Variants in LRRC4C observed in about 807,000 individuals in gnomAD.
LRRC4C encodes the protein leucine-rich repeat-containing protein 4C.
In LRRC4C, 5 loss-of-function variants were observed where a neutral mutation model predicts 33.6. The observed-to-expected ratio is 0.15, with a 90% CI of 0.08 to 0.31. LRRC4C has a LOEUF of 0.31. LRRC4C is among the 10% of genes least tolerant of loss of function. The pLI is 1.00. For missense variants in LRRC4C, 560 were observed against 796.7 expected (o/e 0.70, Z 3.58); for synonymous variants, 329 against 302.0 (o/e 1.09, Z -0.93).
intron 4 of LRRC4C, among the ~76,000 whole-genome samples, chr11:40,318,583 A>G (rs1945689522): frequency 6.6e-6 from 1 of 152,030 alleles, no homozygotes; most frequent in South Asian, 2.1e-4. Context: ...AATACATTAT[A>G]TTTCCTTGGT....
At chr11:40,182,222 T>C (rs947085980) in intron 5 of LRRC4C, among the ~76,000 whole-genome samples, 1 of 152,228 alleles carries the variant, frequency 6.6e-6, no homozygotes, top group Non-Finnish European at 1.5e-5. Context: ...TTTAATTTTA[T>C]CCTTATAACA....
intron 3 of LRRC4C, among the ~76,000 whole-genome samples, chr11:40,630,754 T>C (rs1431486488): frequency 1.3e-5 from 2 of 152,160 alleles, no homozygotes. Context: ...GGTTGCTTGC[T>C]TTTCAAAATT....
At chr11:40,498,995 G>C (rs1171654312) in intron 3 of LRRC4C, among the ~76,000 whole-genome samples, 3 of 152,134 alleles carry the variant, frequency 2.0e-5, no homozygotes, top group African/African-American at 7.2e-5. Context: ...GTTACCAGGG[G>C]ACTTTTCATT....
At chr11:40,260,399 T>G (rs1247788721) in intron 4 of LRRC4C, among the ~76,000 whole-genome samples, 1 of 141,120 alleles carries the variant, frequency 7.1e-6, no homozygotes, top group African/African-American at 2.7e-5. Context: ...CTCTGGAGAC[T>G]GTTGTGGGTT....
At chr11:41,182,759 A>T (rs1590863452) in intron 1 of LRRC4C, among the ~76,000 whole-genome samples, 1 of 152,014 alleles carries the variant, frequency 6.6e-6, no homozygotes, top group South Asian at 2.1e-4. Context: ...ATACTTAACA[A>T]TTCTGTCTCC....
intron 1 of LRRC4C, among the ~76,000 whole-genome samples, chr11:41,025,060 A>T (rs1202272323): frequency 6.6e-6 from 1 of 151,288 alleles, no homozygotes; most frequent in African/African-American, 2.4e-5. Context: ...TCACTGCTCC[A>T]CTCACTGGCT....
chr11:40,339,255 A>G (rs540999522), intron 3 of LRRC4C, among the ~76,000 whole-genome samples: 30 of 152,332 alleles, frequency 2.0e-4, no homozygotes, highest in Non-Finnish European at 3.7e-4. Context: ...TTCTTTGGAC[A>G]GTCTATAGTA....
At chr11:40,909,593 C>A (rs1956575752) in intron 2 of LRRC4C, among the ~76,000 whole-genome samples, 1 of 151,942 alleles carries the variant, frequency 6.6e-6, no homozygotes, top group Non-Finnish European at 1.5e-5. Context: ...AGCATATAGA[C>A]CAGTCCTACA....
At chr11:40,943,924 T>G (rs749898619) in intron 1 of LRRC4C, among the ~76,000 whole-genome samples, 1 of 152,224 alleles carries the variant, frequency 6.6e-6, no homozygotes, top group Admixed American at 6.5e-5. Context: ...AAGACTGACT[T>G]GATTTTAATC....
intron 3 of LRRC4C, among the ~76,000 whole-genome samples, chr11:40,490,527 A>G (rs1472441438): frequency 1.3e-5 from 2 of 150,312 alleles, no homozygotes; most frequent in Admixed American, 6.6e-5. Context: ...CTTTTAAGGG[A>G]AAAAAAAGAC....
chr11:40,889,483 A>T (rs1955609708), intron 2 of LRRC4C, among the ~76,000 whole-genome samples: 1 of 152,248 alleles, frequency 6.6e-6, no homozygotes, highest in Middle Eastern at 3.4e-3. Flanking sequence ...ATTAACAGGT[A>T]TTCCTTATTA....
chr11:40,180,763 G>A (rs1860923657), intron 5 of LRRC4C, among the ~76,000 whole-genome samples: 1 of 152,170 alleles, frequency 6.6e-6, no homozygotes, highest in African/African-American at 2.4e-5. Context: ...ATGCATGTGT[G>A]TGTGCATGTG....
chr11:40,154,427 G>C (rs1034397958), intron 5 of LRRC4C, among the ~76,000 whole-genome samples: 2 of 152,046 alleles, frequency 1.3e-5, no homozygotes, highest in Admixed American at 6.5e-5. Context: ...CTGCAGAATG[G>C]ATAAGAACTC....
At chr11:41,456,960 G>A (rs1163122226) in intron 1 of LRRC4C, among the ~76,000 whole-genome samples, 1 of 152,150 alleles carries the variant, frequency 6.6e-6, no homozygotes, top group Non-Finnish European at 1.5e-5. Context: ...TTCATAAGCT[G>A]TAATCAGAAA....
At chr11:40,876,315 C>G (rs899264288) in intron 2 of LRRC4C, among the ~76,000 whole-genome samples, 8 of 117,914 alleles carry the variant, frequency 6.8e-5, no homozygotes, top group Non-Finnish European at 1.6e-5. Context: ...CTTTTGAAAG[C>G]CGAGACAGGT....
intron 2 of LRRC4C, among the ~76,000 whole-genome samples, chr11:40,843,148 A>G (rs1033980999): frequency 6.6e-5 from 10 of 152,166 alleles, no homozygotes; most frequent in African/African-American, 2.2e-4. Flanking sequence ...ACCCCTGGAT[A>G]GTGCAATAGC....
intron 3 of LRRC4C, chr11:40,446,113 C>A (rs1228287068): frequency 6.6e-6 from 1 of 152,138 alleles, no homozygotes; most frequent in Non-Finnish European, 1.5e-5. Flanking sequence ...ACAAGATTTT[C>A]CATATTCTTT....
intron 2 of LRRC4C, among the ~76,000 whole-genome samples, chr11:40,880,842 G>A (rs776405739): frequency 2.8e-5 from 4 of 141,166 alleles, no homozygotes; most frequent in Non-Finnish European, 6.1e-5. Flanking sequence ...TTAGACATGA[G>A]TGCAAATAAA....
chr11:41,253,357 A>G (rs1417990964), intron 1 of LRRC4C, among the ~76,000 whole-genome samples: 1 of 152,128 alleles, frequency 6.6e-6, no homozygotes, highest in Non-Finnish European at 1.5e-5. Context: ...AGCTGCTCTA[A>G]GTAGCTTCTG....
Sources: gnomAD v4.1 joint callset for allele counts (sites outside exome capture counted in the v4.1 genomes callset) on GRCh38, gnomAD v4.1.1 for gene constraint, MANE v1.5 for transcripts, NCBI Gene and HGNC (gene_info 2026-07-23, HGNC 2026-07-21) for gene names.